Variants in LZTFL1 observed in about 807,000 individuals in gnomAD.
The protein encoded by LZTFL1 is leucine zipper transcription factor like 1.
LZTFL1 carries 25 observed loss-of-function variants against 45.9 expected under a neutral mutation model. The observed-to-expected ratio is 0.54, with a 90% CI of 0.40 to 0.76. The LOEUF (loss-of-function observed/expected upper bound fraction) is 0.76. LZTFL1 is among the 30% of genes least tolerant of loss of function. The probability of loss-of-function intolerance (pLI) is 0.00; values close to 1 mark genes in which losing one functional copy is unlikely to be tolerated. For missense variants in LZTFL1, 277 were observed against 331.1 expected (o/e 0.84, Z 1.27); for synonymous variants, 93 against 117.4 (o/e 0.79, Z 1.35).
At chr3:45,898,464 T>C (rs1015271939) in intron 2 of LZTFL1, among the ~76,000 whole-genome samples, 1 of 152,328 alleles carries the variant, frequency 6.6e-6, no homozygotes, top group Non-Finnish European at 1.5e-5. Context: ...ACATATAAAA[T>C]AGGGAGACGA....
intron 2 of LZTFL1, among the ~76,000 whole-genome samples, chr3:45,898,951 A>ATAATCCTCAT (rs1702458419): frequency 6.6e-6 from 1 of 152,136 alleles, no homozygotes. Flanking sequence ...GTGGATTACG[A>ATAATCCTCAT]GGTCAGAAGT....
Position 45,825,132 on chromosome 3 carries a change from C to G in LZTFL1, c.*1182G>C, listed in dbSNP as rs1700631786. On this transcript the variant is annotated 3_prime_UTR_variant, in exon 10 of 10. Transcript: ENST00000296135. ...TATGCTCCAATCAGTAAACTCGTTT[C>G]TTGGAATAAAATCTTCATTTGTGGA... 1 of 368,834 alleles carries G rather than the reference C, an allele frequency of 2.7e-6. No individual in the cohort carries two copies. The highest frequency in any genetic ancestry group is 2.1e-5 in the African/African-American group (1 of 48,050). The allele number at this position is 368,834 out of a possible 1,614,324, so 22.8% of individuals were successfully genotyped here.
intron 2 of LZTFL1, among the ~76,000 whole-genome samples, chr3:45,891,871 C>A (rs548033447): frequency 1.9e-4 from 29 of 152,120 alleles, no homozygotes; most frequent in Non-Finnish European, 4.0e-4. Flanking sequence ...GATGCTTCCT[C>A]ATTCTTTGAT....
intron 2 of LZTFL1, among the ~76,000 whole-genome samples, chr3:45,904,997 A>G (rs763405291): frequency 6.6e-6 from 1 of 152,154 alleles, no homozygotes; most frequent in Non-Finnish European, 1.5e-5. Context: ...TTCTTCTCCT[A>G]TACATTGGAC....
intron 2 of LZTFL1, among the ~76,000 whole-genome samples, chr3:45,879,391 A>G (rs1701810851): frequency 6.6e-6 from 1 of 152,236 alleles, no homozygotes; most frequent in Non-Finnish European, 1.5e-5. Context: ...CATATCAGTA[A>G]GTGAGAGAAG....
intron 4 of LZTFL1, among the ~76,000 whole-genome samples, chr3:45,849,616 G>C (rs1419146549): frequency 6.6e-6 from 1 of 152,126 alleles, no homozygotes; most frequent in Non-Finnish European, 1.5e-5. Flanking sequence ...GGAATGGAGG[G>C]AATTTATCTG....
At position 45,828,600 on chromosome 3, in the gene LZTFL1, G is replaced by A; in HGVS notation, c.616C>T (p.Gln206Ter). 6.2e-7 allele frequency: 1 copy of A among 1,606,446 alleles called. No individual in the cohort carries two copies. Among genetic ancestry groups the A allele is most frequent in the South Asian group, 1.1e-5 (1 of 89,638 alleles). ...GTGTTTTCTAAGTTACTTAAGTCTT[G>A]GGCCTTTATAAAATCCTATGAAAAA... ...QGNQKDFIKAQDLSNLENTVA... is the reference protein window; with the variant it reads ...QGNQKDFIKA The change falls in exon 8 of 10, where the codon CAA becomes TAA. Residue 206 changes from glutamine to a stop codon, truncating the protein, a stop_gained. Coordinates refer to ENST00000296135, the MANE Select transcript of LZTFL1 (RefSeq NM_020347.4). LOFTEE classifies it high-confidence loss of function.
intron 5 of LZTFL1, 41 bp from the exon 6 acceptor site, chr3:45,831,179 A>G: frequency 1.9e-6 from 2 of 1,038,562 alleles, no homozygotes; most frequent in South Asian, 1.7e-5. Flanking sequence ...TAACCAAAAT[A>G]TTTTAATATT....
At chr3:45,836,083 A>G (rs1700959459) in intron 2 of LZTFL1, among the ~76,000 whole-genome samples, 1 of 152,190 alleles carries the variant, frequency 6.6e-6, no homozygotes, top group South Asian at 2.1e-4. Flanking sequence ...GTCTTATTTC[A>G]AACTCCACTG....
At chr3:45,912,402 A>G (rs1182799487) in intron 2 of LZTFL1, among the ~76,000 whole-genome samples, 1 of 152,202 alleles carries the variant, frequency 6.6e-6, no homozygotes, top group African/African-American at 2.4e-5. Flanking sequence ...CATCCAGAGG[A>G]GTCCCTTTTC....
At chr3:45,892,771 C>T (rs1402001283) in intron 2 of LZTFL1, among the ~76,000 whole-genome samples, 1 of 152,008 alleles carries the variant, frequency 6.6e-6, no homozygotes, top group Non-Finnish European at 1.5e-5. Flanking sequence ...CACGTGGGTC[C>T]GTAGTGATCT....
At chr3:45,883,827 C>T in intron 2 of LZTFL1, 2 of 531,724 alleles carry the variant, frequency 3.8e-6, no homozygotes, top group Non-Finnish European at 7.0e-6. Flanking sequence ...AGAGTTGCAG[C>T]CACGGAGTAG....
intron 2 of LZTFL1, among the ~76,000 whole-genome samples, chr3:45,910,187 G>A (rs568402392): frequency 1.3e-4 from 20 of 152,274 alleles, no homozygotes; most frequent in Non-Finnish European, 2.6e-4. Context: ...GGTTAGGGGT[G>A]GTGCAAGGAA....
Position 45,838,018 on chromosome 3 carries a change from C to T in LZTFL1, c.37G>A (p.Glu13Lys). ...ELGLNEHHQN[E>K]VINYMRFARS... ...GCAAAACGCATATAATTAATAACTT[C>T]ATTTTGATGGTGCTCATTTAGGCCC... Residue 13 changes from glutamate to lysine, a missense_variant, in exon 2 of 10, where the codon GAA (glutamate) becomes AAA (lysine). Physicochemically the swap from Glu to Lys is moderately conservative, Grantham distance 56. Coordinates refer to ENST00000296135, the MANE Select transcript of LZTFL1 (RefSeq NM_020347.4). 6.2e-7 allele frequency: 1 copy of T among 1,611,614 alleles called. No individual in the cohort carries two copies. Among genetic ancestry groups the T allele is most frequent in the Non-Finnish European group, 8.5e-7 (1 of 1,179,368 alleles).
At chr3:45,838,945 T>A (rs1383448745) in intron 1 of LZTFL1, among the ~76,000 whole-genome samples, 1 of 152,230 alleles carries the variant, frequency 6.6e-6, no homozygotes, top group African/African-American at 2.4e-5. Flanking sequence ...AAGACAGATT[T>A]CTATTACACA....
chr3:45,892,528 A>T (rs148713154), intron 2 of LZTFL1, among the ~76,000 whole-genome samples: 2 of 152,300 alleles, frequency 1.3e-5, no homozygotes, highest in Non-Finnish European at 2.9e-5. Context: ...ATGGACACAA[A>T]AAAGGGAATA....
At chr3:45,848,253 G>A (rs556827891) in intron 4 of LZTFL1, among the ~76,000 whole-genome samples, 6 of 152,304 alleles carry the variant, frequency 3.9e-5, no homozygotes, top group South Asian at 2.1e-4. Flanking sequence ...ATGCAGTGAC[G>A]CCTTCATGAA....
intron 3 of LZTFL1, among the ~76,000 whole-genome samples, chr3:45,855,261 T>G (rs544422121): frequency 1.3e-5 from 2 of 152,212 alleles, no homozygotes; most frequent in Non-Finnish European, 2.9e-5. Flanking sequence ...GTTCAACATA[T>G]GCAAATCAAT....
chr3:45,908,982 C>T (rs758442648), intron 2 of LZTFL1, among the ~76,000 whole-genome samples: 1 of 152,108 alleles, frequency 6.6e-6, no homozygotes, highest in African/African-American at 2.4e-5. Context: ...GCCTGAGCTT[C>T]GCCAACTGTC....
Sources: gnomAD v4.1 joint callset for allele counts (sites outside exome capture counted in the v4.1 genomes callset) on GRCh38, gnomAD v4.1.1 for gene constraint, MANE v1.5 for transcripts, NCBI Gene and HGNC (gene_info 2026-07-23, HGNC 2026-07-21) for gene names.